Variants in COLEC12 observed in about 807,000 individuals in gnomAD.
The protein encoded by COLEC12 is collectin-12.
Under a neutral mutation model 71.1 loss-of-function variants are expected in COLEC12, and 33 were observed. The observed-to-expected ratio is 0.46, with a 90% CI of 0.35 to 0.62. The LOEUF is 0.62. COLEC12 is among the 20% of genes least tolerant of loss of function. The pLI, the probability that COLEC12 is intolerant of heterozygous loss-of-function variation, is 0.00. For missense variants in COLEC12, 765 were observed against 916.1 expected (o/e 0.84, Z 2.13); for synonymous variants, 350 against 353.0 (o/e 0.99, Z 0.10).
In COLEC12 at chr18:325,627, C is replaced by CTTTTTTTTTTTTTTTT. The variant is rs760407917; in HGVS notation, c.2064-3836_2064-3821dup. Among the ~76,000 whole-genome samples the CTTTTTTTTTTTTTTTT allele has an allele frequency of 2.1e-4, 11 of 51,834 alleles. 3 individuals are homozygous for CTTTTTTTTTTTTTTTT. Among genetic ancestry groups the CTTTTTTTTTTTTTTTT allele is most frequent in the South Asian group, 1.3e-3 (1 of 754 alleles). The allele number at this position is 51,834 out of a possible 152,430, so 34.0% of individuals were successfully genotyped here. ...TTACACCAAGAGTAAAAGGATCAGCCTTTTTTTTTTTTTTTTTTTTTTTTT... is the reference window on the plus strand; with the variant it reads ...TTACACCAAGAGTAAAAGGATCAGCCTTTTTTTTTTTTTTTTTTTTTTTTTTTTTTTTTTTTTTTTT... On this transcript the variant is annotated intron_variant, in intron 8 of 9. Transcript: ENST00000400256.
Position 480,874 on chromosome 18 carries a change from C to T in COLEC12, c.8-117G>A, listed in dbSNP as rs1917402161. 5 of 908,966 alleles carry T rather than the reference C, an allele frequency of 5.5e-6. No individual in the cohort carries two copies. The highest frequency in any genetic ancestry group is 7.4e-6 in the Non-Finnish European group (4 of 543,382). 56.3% of individuals were successfully genotyped at this position (908,966 alleles called of 1,614,324 possible). ...TTGTCACAGCAGCTTTCCTTCTGCT[C>T]GTGGATCGCACCAGGCTTTCTGGAA... On this transcript the variant is annotated intron_variant, in intron 1 of 9. Transcript: ENST00000400256. This position sits in a 1 kb window ranked among gnomAD's most constrained non-coding sequence, Gnocchi z 4.1.
chr18:386,106 G>C (rs1396279927), intron 2 of COLEC12, among the ~76,000 whole-genome samples: 1 of 98,948 alleles, frequency 1.0e-5, no homozygotes. Flanking sequence ...TGTGGGTGGG[G>C]GAGAAGGCTA....
At chr18:395,243 C>T (rs1915545804) in intron 2 of COLEC12, among the ~76,000 whole-genome samples, 1 of 152,220 alleles carries the variant, frequency 6.6e-6, no homozygotes, top group African/African-American at 2.4e-5. Context: ...TGGCATGCAT[C>T]AGCAAAGACA....
At chr18:340,101 CAG>C (rs1253271601) in intron 5 of COLEC12, among the ~76,000 whole-genome samples, 79 of 106,330 alleles carry the variant, frequency 7.4e-4, no homozygotes, top group African/African-American at 2.7e-3. Context: ...ACAAAAAGAA[CAG>C]AGTGTTTATG....
rs1425592518 is a variant in COLEC12, at chr18:500,663, C to T, written c.-149G>A. 17 of 465,210 alleles carry T rather than the reference C, an allele frequency of 3.7e-5. No homozygotes were observed. The allele number at this position is 465,210 out of a possible 1,614,324, so 28.8% of individuals were successfully genotyped here. On this transcript the variant is annotated 5_prime_UTR_variant, in exon 1 of 10. Transcript: ENST00000400256. This position sits in a 1 kb window ranked among gnomAD's most constrained non-coding sequence, Gnocchi z 5.3. The stretch of plus-strand genomic sequence containing the variant: ...CGCCCCCGTCCTCCCTCGCCGCCGC[C>T]GGCCCGCGCTCCCCGCGCTCCCGGC...
In COLEC12 at chr18:350,322, T is replaced by C. The variant is rs182698562; in HGVS notation, c.182-2159A>G. The stretch of plus-strand genomic sequence containing the variant: ...CTGCTGCCGTGTAAGAAGTGCCTTT[T>C]GCCTCCCACCATGATTCTGAGGCCT... On this transcript the variant is annotated intron_variant, in intron 3 of 9. Transcript: ENST00000400256. Among the ~76,000 whole-genome samples the C allele has an allele frequency of 1.4e-3, 208 of 152,284 alleles. 2 individuals carry two copies. The highest frequency in any genetic ancestry group is 4.8e-3 in the African/African-American group (198 of 41,556).
At chr18:383,047 C>G (rs7233716) in intron 2 of COLEC12, among the ~76,000 whole-genome samples, 60,793 of 151,898 alleles carry the variant, frequency 0.4, 12,469 homozygotes, top group Admixed American at 0.47. Flanking sequence ...CATTTTACAA[C>G]GCAATTCCCC....
At chr18:459,408 A>G (rs1363243356) in intron 2 of COLEC12, among the ~76,000 whole-genome samples, 6 of 152,342 alleles carry the variant, frequency 3.9e-5, no homozygotes, top group African/African-American at 1.4e-4. Flanking sequence ...TTTTGAATGA[A>G]TGACCACTTG....
chr18:360,651 G>C (rs1914725450), intron 2 of COLEC12, among the ~76,000 whole-genome samples: 1 of 152,138 alleles, frequency 6.6e-6, no homozygotes, highest in South Asian at 2.1e-4. Flanking sequence ...GGGTCTGAGG[G>C]AGGAGCTAAG....
At chr18:339,992 GA>G (rs1598330641) in intron 5 of COLEC12, among the ~76,000 whole-genome samples, 1 of 142,126 alleles carries the variant, frequency 7.0e-6, no homozygotes, top group African/African-American at 2.6e-5. Flanking sequence ...GGTTGCACTT[GA>G]ATCTTTTATT....
At chr18:424,897 C>T (rs1215136989) in intron 2 of COLEC12, among the ~76,000 whole-genome samples, 2 of 152,162 alleles carry the variant, frequency 1.3e-5, no homozygotes, top group African/African-American at 2.4e-5. Flanking sequence ...GGAGTGAATG[C>T]CATGTCACAG....
chr18:380,849 G>A (rs1351315069), intron 2 of COLEC12, among the ~76,000 whole-genome samples: 1 of 152,172 alleles, frequency 6.6e-6, no homozygotes, highest in South Asian at 2.1e-4. Flanking sequence ...GCATGAGAAC[G>A]TAGAGTAGAC....
intron 2 of COLEC12, among the ~76,000 whole-genome samples, chr18:409,421 C>T (rs1276175491): frequency 6.6e-6 from 1 of 152,132 alleles, no homozygotes; most frequent in African/African-American, 2.4e-5. Flanking sequence ...GTAATCCCAG[C>T]TACTCGGGAG....
intron 2 of COLEC12, among the ~76,000 whole-genome samples, chr18:409,811 T>C (rs1915859280): frequency 6.6e-6 from 1 of 152,184 alleles, no homozygotes; most frequent in Admixed American, 6.5e-5. Context: ...TATGAGCATG[T>C]TTCACCTACC....
chr18:451,883 T>C (rs1916769738), intron 2 of COLEC12, among the ~76,000 whole-genome samples: 1 of 152,184 alleles, frequency 6.6e-6, no homozygotes, highest in Admixed American at 6.5e-5. Flanking sequence ...TCAAGGTGCC[T>C]ACAGAAATTC....
At chr18:476,806 C>T (rs1436504694) in intron 2 of COLEC12, among the ~76,000 whole-genome samples, 1 of 152,224 alleles carries the variant, frequency 6.6e-6, no homozygotes, top group African/African-American at 2.4e-5. Context: ...TATACTGGTG[C>T]CTCATGTCCC....
intron 8 of COLEC12, among the ~76,000 whole-genome samples, chr18:324,624 T>C (rs1913792761): frequency 6.6e-6 from 1 of 150,748 alleles, no homozygotes; most frequent in Non-Finnish European, 1.5e-5. Flanking sequence ...AGGTCAGGAG[T>C]TCAAGACCAG....
At chr18:406,539 AAG>A (rs1915793355) in intron 2 of COLEC12, among the ~76,000 whole-genome samples, 1 of 145,254 alleles carries the variant, frequency 6.9e-6, no homozygotes, top group South Asian at 2.2e-4. Flanking sequence ...AAAAAAAAAA[AAG>A]GGCAACCAGC....
At chr18:476,553 G>A (rs529392344) in intron 2 of COLEC12, among the ~76,000 whole-genome samples, 31 of 152,212 alleles carry the variant, frequency 2.0e-4, no homozygotes, top group African/African-American at 7.2e-4. Context: ...AACCCATTGC[G>A]ACCAATCAAT....
Sources: gnomAD v4.1 joint callset for allele counts (sites outside exome capture counted in the v4.1 genomes callset) on GRCh38, gnomAD v4.1.1 for gene constraint, Gnocchi (gnomAD v3.1) non-coding constraint, MANE v1.5 for transcripts, NCBI Gene and HGNC (gene_info 2026-07-23, HGNC 2026-07-21) for gene names.